Variants in DLGAP1 observed in about 807,000 individuals in gnomAD.
The protein encoded by DLGAP1 is DLG associated protein 1.
In DLGAP1, 11 loss-of-function variants were observed where a neutral mutation model predicts 90.8. The observed-to-expected ratio is 0.12, with a 90% confidence interval of 0.08 to 0.20. The LOEUF (loss-of-function observed/expected upper bound fraction) is 0.20, where lower values mean the gene tolerates loss of function less well. DLGAP1 is among the 10% of genes least tolerant of loss of function. The pLI is 1.00. For synonymous variants in DLGAP1, 558 were observed against 540.7 expected (o/e 1.03, Z -0.44); for missense variants, 1,050 against 1,333.8 (o/e 0.79, Z 3.31).
At chr18:3,741,440 T>C (rs2063040232) in intron 6 of DLGAP1, among the ~76,000 whole-genome samples, 1 of 149,826 alleles carries the variant, frequency 6.7e-6, no homozygotes, top group Non-Finnish European at 1.5e-5. Context: ...ATCACCATCA[T>C]CACTGCCACT....
At chr18:3,689,861 A>G (rs1479255620) in intron 7 of DLGAP1, among the ~76,000 whole-genome samples, 1 of 152,206 alleles carries the variant, frequency 6.6e-6, no homozygotes, top group African/African-American at 2.4e-5. Flanking sequence ...AGTCCTCGAT[A>G]TGTTAATAAG....
At chr18:4,119,087 C>G (rs1019447109) in intron 2 of DLGAP1, among the ~76,000 whole-genome samples, 3 of 151,552 alleles carry the variant, frequency 2.0e-5, no homozygotes, top group Non-Finnish European at 4.4e-5. Flanking sequence ...ACCCTTATCT[C>G]AGTATTTTAT....
intron 2 of DLGAP1, among the ~76,000 whole-genome samples, chr18:4,142,474 T>G (rs977277534): frequency 8.5e-5 from 13 of 152,206 alleles, no homozygotes; most frequent in African/African-American, 2.9e-4. Flanking sequence ...CTCATCTTGA[T>G]AGTGATAGGT....
At chr18:3,692,494 T>C (rs2060931461) in intron 7 of DLGAP1, among the ~76,000 whole-genome samples, 2 of 152,198 alleles carry the variant, frequency 1.3e-5, no homozygotes, top group Admixed American at 1.3e-4. Context: ...TCACTCCCAA[T>C]TTACAGCAGG....
intron 2 of DLGAP1, among the ~76,000 whole-genome samples, chr18:4,058,229 C>G (rs76750058): frequency 0.082 from 12,413 of 152,280 alleles, 614 homozygotes; most frequent in Middle Eastern, 0.2. Flanking sequence ...ACATTGGGAA[C>G]AAATCTGTCT....
intron 1 of DLGAP1, among the ~76,000 whole-genome samples, chr18:4,369,046 C>T (rs2081853104): frequency 6.6e-6 from 1 of 152,136 alleles, no homozygotes; most frequent in Non-Finnish European, 1.5e-5. Context: ...GGATATGCAG[C>T]TCTTTTTATC....
chr18:3,730,334 T>C (rs1173498458), intron 6 of DLGAP1, among the ~76,000 whole-genome samples: 2 of 151,386 alleles, frequency 1.3e-5, no homozygotes, highest in Non-Finnish European at 2.9e-5. Flanking sequence ...TACAGAAATA[T>C]TTGGCGTAAT....
rs2051473475 is a variant in DLGAP1, at chr18:3,524,480, AC to A, written c.2479+9713del. On this transcript the variant is annotated intron_variant, in intron 10 of 12. Coordinates refer to ENST00000315677, the MANE Select transcript of DLGAP1 (RefSeq NM_004746.4). ...TAGCTGCTCTTTCACAAAAAAAGTA[AC>A]TATGTGAGATGACAGATATGTTAAT... 1.3e-5 allele frequency among the ~76,000 whole-genome samples: 2 copies of A among 152,156 alleles called. 1 individual carries two copies. The highest frequency in any genetic ancestry group is 4.1e-4 in the South Asian group (2 of 4,832).
chr18:3,738,613 C>T (rs1161549623), intron 6 of DLGAP1, among the ~76,000 whole-genome samples: 2 of 151,994 alleles, frequency 1.3e-5, no homozygotes, highest in African/African-American at 4.8e-5. Context: ...ACACCTTATA[C>T]AAAAATTAAT....
At chr18:3,691,999 A>G (rs946566150) in intron 7 of DLGAP1, among the ~76,000 whole-genome samples, 5 of 152,222 alleles carry the variant, frequency 3.3e-5, no homozygotes, top group Non-Finnish European at 7.3e-5. Context: ...GAAAAATAGA[A>G]AATCTTGAAT....
At chr18:3,754,707 C>T (rs866554619) in intron 5 of DLGAP1, among the ~76,000 whole-genome samples, 7 of 141,638 alleles carry the variant, frequency 4.9e-5, no homozygotes, top group South Asian at 4.6e-4. Context: ...TGGTGAAACC[C>T]GTCTCTACTA....
At chr18:3,539,311 A>C (rs989366991) in intron 9 of DLGAP1, among the ~76,000 whole-genome samples, 2 of 152,238 alleles carry the variant, frequency 1.3e-5, no homozygotes, top group African/African-American at 4.8e-5. Flanking sequence ...AGCTGAACCC[A>C]GTGGCTTGCT....
chr18:4,018,744 A>G (rs573603250), intron 2 of DLGAP1, among the ~76,000 whole-genome samples: 27 of 152,382 alleles, frequency 1.8e-4, no homozygotes, highest in Non-Finnish European at 3.2e-4. Flanking sequence ...TAAACCACTC[A>G]GAGCAGAAGA....
chr18:4,297,016 A>G (rs919873692), intron 1 of DLGAP1, among the ~76,000 whole-genome samples: 2 of 152,220 alleles, frequency 1.3e-5, no homozygotes, highest in Non-Finnish European at 2.9e-5. Flanking sequence ...ACCTAAATTA[A>G]GAGTGGAACA....
At chr18:3,748,885 G>A (rs1040565648) in intron 5 of DLGAP1, among the ~76,000 whole-genome samples, 2 of 152,060 alleles carry the variant, frequency 1.3e-5, no homozygotes, top group Non-Finnish European at 1.5e-5. Context: ...TTTATAATCC[G>A]TATAGAAATG....
chr18:3,666,370 C>A (rs371937402), intron 7 of DLGAP1, among the ~76,000 whole-genome samples: 16 of 113,648 alleles, frequency 1.4e-4, no homozygotes, highest in African/African-American at 4.4e-4. Flanking sequence ...TAAGGATTTC[C>A]ACCTTTGCCC....
At chr18:3,736,276 G>A (rs1242410662) in intron 6 of DLGAP1, among the ~76,000 whole-genome samples, 2 of 152,066 alleles carry the variant, frequency 1.3e-5, no homozygotes, top group Non-Finnish European at 2.9e-5. Flanking sequence ...TTCTTCTCAA[G>A]CCCTACTTTA....
In DLGAP1 at chr18:4,407,920, G is replaced by C. The variant is rs536314882; in HGVS notation, c.-267+47086C>G. Among the ~76,000 whole-genome samples, 120 of 151,904 alleles carry C rather than the reference G, an allele frequency of 7.9e-4. 1 individual carries two copies. Among genetic ancestry groups the C allele is most frequent in the African/African-American group, 2.7e-3 (114 of 41,498 alleles). ...AATAAATAAGAAAAGTATCTAACAG[G>C]CACTCAACAGACATTTATTGTCCAA... On this transcript the variant is annotated intron_variant, in intron 1 of 12. Coordinates refer to ENST00000315677, the MANE Select transcript of DLGAP1 (RefSeq NM_004746.4).
chr18:3,887,327 A>G (rs2071343130), intron 3 of DLGAP1, among the ~76,000 whole-genome samples: 1 of 152,216 alleles, frequency 6.6e-6, no homozygotes, highest in South Asian at 2.1e-4. Flanking sequence ...CTATGTCAGG[A>G]TGCAGCACTG....
Sources: allele counts gnomAD v4.1 joint callset (sites outside exome capture counted in the v4.1 genomes callset), GRCh38; gene constraint gnomAD v4.1.1; transcripts MANE v1.5; gene names NCBI Gene and HGNC (gene_info 2026-07-23, HGNC 2026-07-21).